The following DEAF1 variants were observed in gnomAD, a reference collection of about 807,000 sequenced individuals.
The protein encoded by DEAF1 is deformed epidermal autoregulatory factor 1 homolog.
Under a neutral mutation model 58.9 loss-of-function variants are expected in DEAF1, and 53 were observed. That is an observed-to-expected ratio of 0.90 (90% confidence interval 0.72 to 1.13). The LOEUF (loss-of-function observed/expected upper bound fraction) is 1.13. Ranked by LOEUF, DEAF1 falls within the 50% of genes most tolerant of loss-of-function variation. The pLI, the probability that DEAF1 is intolerant of heterozygous loss-of-function variation, is 0.00. For missense variants in DEAF1, 685 were observed against 791.4 expected, an observed-to-expected ratio of 0.87 and a Z score of 1.61; for synonymous variants, 385 against 340.4, an observed-to-expected ratio of 1.13 and a Z score of -1.44.
At chr11:681,413 T>A (rs1353985336) in intron 6 of DEAF1, among the ~76,000 whole-genome samples, 3 of 1,198 alleles carry the variant, frequency 2.5e-3, no homozygotes, top group South Asian at 0.5. Flanking sequence ...CTTTCTTTCT[T>A]TTTTTTTTTT....
chr11:664,074 G>A (rs548720836), intron 10 of DEAF1, among the ~76,000 whole-genome samples: 13 of 152,156 alleles, frequency 8.5e-5, no homozygotes, highest in African/African-American at 2.9e-4. Context: ...TTAGCCAGGC[G>A]TGGTGGCACA....
At chr11:654,083 A>G in intron 10 of DEAF1, 32 bp from the exon 11 acceptor site, 1 of 1,589,990 alleles carries the variant, frequency 6.3e-7, no homozygotes, top group Non-Finnish European at 8.6e-7. Context: ...CCAGTCAGTG[A>G]CGTGGCCGTG....
intron 10 of DEAF1, among the ~76,000 whole-genome samples, chr11:667,183 G>A (rs1859577226): frequency 6.6e-6 from 1 of 152,070 alleles, no homozygotes; most frequent in African/African-American, 2.4e-5. Flanking sequence ...TTGGCCGGGA[G>A]TAGTGGCCAG....
intron 8 of DEAF1, among the ~76,000 whole-genome samples, chr11:679,334 TTCTAAC>T (rs1396962577): frequency 6.7e-6 from 1 of 150,342 alleles, no homozygotes; most frequent in Non-Finnish European, 1.5e-5. Context: ...AAAAAATCAG[TTCTAAC>T]TCTATTTTCC....
At chr11:649,445 T>C (rs1450625568) in intron 11 of DEAF1, among the ~76,000 whole-genome samples, 2 of 143,638 alleles carry the variant, frequency 1.4e-5, no homozygotes, top group South Asian at 2.2e-4. Flanking sequence ...AACAGCTGGG[T>C]GTGGTGGCTC....
intron 1 of DEAF1, chr11:693,339 C>CA (rs1554945760): frequency 6.6e-6 from 1 of 152,056 alleles, no homozygotes. Context: ...CCTTCCCTCA[C>CA]TTTTTTTTCT....
intron 11 of DEAF1, among the ~76,000 whole-genome samples, chr11:647,797 A>G (rs1416369606): frequency 1.3e-5 from 2 of 152,178 alleles, no homozygotes; most frequent in African/African-American, 2.4e-5. Flanking sequence ...TAGGTGACTC[A>G]ATCCAGGCAG....
At chr11:678,997 A>G (rs892536286) in intron 8 of DEAF1, among the ~76,000 whole-genome samples, 175 bp from the exon 9 acceptor site, 21 of 152,214 alleles carry the variant, frequency 1.4e-4, no homozygotes, top group Admixed American at 1.3e-4. Context: ...GATTGGGGCT[A>G]TATCAGGTGA....
At chr11:658,980 C>T (rs1421959247) in intron 10 of DEAF1, among the ~76,000 whole-genome samples, 1 of 152,184 alleles carries the variant, frequency 6.6e-6, no homozygotes, top group African/African-American at 2.4e-5. Flanking sequence ...CAGAAACAGC[C>T]AACCAAGAGT....
At chr11:678,566 A>T in intron 9 of DEAF1, 128 bp downstream of exon 9, 1 of 1,355,788 alleles carries the variant, frequency 7.4e-7, no homozygotes, top group Non-Finnish European at 1.0e-6. Flanking sequence ...TTTACCAGCC[A>T]CTGATCTAAT....
intron 1 of DEAF1, chr11:703,766 G>C (rs920268760): frequency 1.5e-5 from 19 of 1,232,988 alleles, no homozygotes; most frequent in Non-Finnish European, 1.9e-5. Flanking sequence ...CTGCTGCCTA[G>C]CAATTTCCAT....
intron 10 of DEAF1, 79 bp downstream of exon 10, chr11:674,457 T>TA: frequency 6.2e-7 from 1 of 1,605,606 alleles, no homozygotes; most frequent in Non-Finnish European, 8.5e-7. Flanking sequence ...AGGTGGGGCT[T>TA]GCGCAGCTGG....
intron 11 of DEAF1, 138 bp downstream of exon 11, chr11:653,824 G>T (rs1858910917): frequency 2.6e-6 from 2 of 775,788 alleles, no homozygotes; most frequent in Non-Finnish European, 4.5e-6. Context: ...CCAGGCAGGA[G>T]CCCCGGATTC....
At chr11:653,128 C>T (rs1051641153) in intron 11 of DEAF1, among the ~76,000 whole-genome samples, 2 of 150,560 alleles carry the variant, frequency 1.3e-5, no homozygotes, top group African/African-American at 4.9e-5. Flanking sequence ...TAAATGCTCC[C>T]GAGTACTCTG....
At chr11:658,111 C>G (rs1261865626) in intron 10 of DEAF1, among the ~76,000 whole-genome samples, 1 of 152,130 alleles carries the variant, frequency 6.6e-6, no homozygotes, top group Non-Finnish European at 1.5e-5. Flanking sequence ...TAAAATTATC[C>G]CGAAATACGT....
intron 11 of DEAF1, among the ~76,000 whole-genome samples, chr11:645,610 G>A (rs746377583): frequency 7.2e-5 from 11 of 152,296 alleles, no homozygotes; most frequent in Non-Finnish European, 1.0e-4. Flanking sequence ...GAGCCACTGC[G>A]CCCCGCCCCA....
intron 1 of DEAF1, chr11:703,077 G>GCGC: frequency 6.2e-7 from 1 of 1,612,660 alleles, no homozygotes. Flanking sequence ...TGGGCCCTCA[G>GCGC]CGCCACGCTC....
At chr11:683,139 CTAGTTATTTCTCTGGAGAGT>C (rs1860446995) in intron 6 of DEAF1, among the ~76,000 whole-genome samples, 1 of 152,108 alleles carries the variant, frequency 6.6e-6, no homozygotes, top group South Asian at 2.1e-4. Context: ...ACAATTTTCA[CTAGTTATTTCTCTGGAGAGT>C]TGGTCCACTG....
intron 10 of DEAF1, among the ~76,000 whole-genome samples, chr11:670,698 C>G (rs970694435): frequency 1.3e-5 from 2 of 151,354 alleles, no homozygotes; most frequent in Non-Finnish European, 2.9e-5. Flanking sequence ...CTGGGTGACA[C>G]AGCAAGACCA....
Sources: gnomAD v4.1 joint callset for allele counts (sites outside exome capture counted in the v4.1 genomes callset) on GRCh38, gnomAD v4.1.1 for gene constraint, MANE v1.5 for transcripts, NCBI Gene and HGNC (gene_info 2026-07-23, HGNC 2026-07-21) for gene names.